SEMA3A: variants seen among roughly 807,000 people sequenced by gnomAD.
The protein encoded by SEMA3A is semaphorin-3A.
A neutral mutation model predicts 97.9 loss-of-function variants in SEMA3A; 29 were observed. The ratio of observed to expected loss-of-function variants is 0.30; its 90% confidence interval spans 0.22 to 0.40. The LOEUF is 0.40. Among genes scored for constraint, SEMA3A ranks in the 10% least tolerant of loss-of-function variants. The pLI is 1.00. For missense variants in SEMA3A, 763 were observed against 951.3 expected (o/e 0.80, Z 2.60); for synonymous variants, 321 against 323.7 (o/e 0.99, Z 0.09).
At chr7:84,115,905 G>A (rs1260449626) in intron 3 of SEMA3A, among the ~76,000 whole-genome samples, 1 of 152,154 alleles carries the variant, frequency 6.6e-6, no homozygotes, top group Non-Finnish European at 1.5e-5. Context: ...ATGAAGTAAG[G>A]AGAGTTACAA....
intron 5 of SEMA3A, among the ~76,000 whole-genome samples, chr7:84,055,903 T>G (rs1792954482): frequency 6.6e-6 from 1 of 152,182 alleles, no homozygotes; most frequent in Non-Finnish European, 1.5e-5. Context: ...CTAAGCCAAT[T>G]GTGAAAGAAA....
intron 2 of SEMA3A, among the ~76,000 whole-genome samples, chr7:84,365,794 T>C (rs1802834914): frequency 6.6e-6 from 1 of 151,424 alleles, no homozygotes; most frequent in Admixed American, 6.6e-5. Context: ...CAATCTGATA[T>C]TGAGAACTGC....
At chr7:84,377,294 G>T (rs1411176803) in intron 1 of SEMA3A, among the ~76,000 whole-genome samples, 2 of 152,026 alleles carry the variant, frequency 1.3e-5, no homozygotes, top group African/African-American at 4.8e-5. Context: ...CCCAATTAAT[G>T]CTCTTAGTGC....
intron 3 of SEMA3A, among the ~76,000 whole-genome samples, chr7:84,127,758 A>G (rs1448433843): frequency 1.3e-5 from 2 of 152,146 alleles, no homozygotes; most frequent in African/African-American, 2.4e-5. Context: ...AAACATATAC[A>G]TCATTGTAGG....
chr7:84,212,175 G>A (rs959006671), intron 3 of SEMA3A, among the ~76,000 whole-genome samples: 1 of 152,138 alleles, frequency 6.6e-6, no homozygotes, highest in East Asian at 1.9e-4. Context: ...AACTACAAGA[G>A]AAATAATTAA....
intron 2 of SEMA3A, among the ~76,000 whole-genome samples, chr7:84,134,201 G>A (rs557892352): frequency 5.3e-5 from 8 of 152,176 alleles, no homozygotes; most frequent in Admixed American, 5.2e-4. Context: ...TGATCTCCTA[G>A]ATCAGGGTTT....
At chr7:84,104,095 G>A (rs1795037288) in intron 4 of SEMA3A, among the ~76,000 whole-genome samples, 2 of 152,004 alleles carry the variant, frequency 1.3e-5, no homozygotes, top group Non-Finnish European at 2.9e-5. Context: ...AGGAAAACAT[G>A]TTTATGGTTA....
chr7:84,273,304 G>A (rs574134924), intron 3 of SEMA3A, among the ~76,000 whole-genome samples: 3 of 152,060 alleles, frequency 2.0e-5, no homozygotes, highest in East Asian at 1.9e-4. Flanking sequence ...CTCTAGCCCC[G>A]AATTTCCATA....
At chr7:83,997,463 A>G (rs1790267186) in intron 12 of SEMA3A, among the ~76,000 whole-genome samples, 1 of 152,200 alleles carries the variant, frequency 6.6e-6, no homozygotes, top group Admixed American at 6.5e-5. Context: ...AGACCACAAT[A>G]TATGTATGAA....
chr7:84,346,516 C>T (rs948480414), intron 2 of SEMA3A, among the ~76,000 whole-genome samples: 1 of 152,074 alleles, frequency 6.6e-6, no homozygotes, highest in Non-Finnish European at 1.5e-5. Flanking sequence ...CATCGTCAGG[C>T]TATTAATTGG....
intron 2 of SEMA3A, among the ~76,000 whole-genome samples, chr7:84,356,361 G>A (rs943652463): frequency 6.6e-6 from 1 of 151,348 alleles, no homozygotes; most frequent in African/African-American, 2.4e-5. Flanking sequence ...ATCCAATAAT[G>A]AAATCCAAAA....
intron 2 of SEMA3A, among the ~76,000 whole-genome samples, chr7:84,341,786 C>T (rs1478551413): frequency 2.6e-5 from 4 of 152,092 alleles, no homozygotes; most frequent in African/African-American, 7.2e-5. Context: ...GAAATCCGGT[C>T]GTGTTAGCTA....
At chr7:84,063,360 G>A (rs1264579066) in intron 4 of SEMA3A, among the ~76,000 whole-genome samples, 4 of 150,668 alleles carry the variant, frequency 2.7e-5, no homozygotes, top group South Asian at 2.1e-4. Context: ...AAAGCAGAGC[G>A]CCTCTCCTCC....
At chr7:84,389,470 T>C (rs945472215) in intron 1 of SEMA3A, among the ~76,000 whole-genome samples, 18 of 152,082 alleles carry the variant, frequency 1.2e-4, no homozygotes, top group Admixed American at 9.8e-4. Flanking sequence ...AAGTATGTAA[T>C]TGCGTAACTC....
chr7:84,194,860 GAA>G (rs778454027), upstream of SEMA3A: 227 of 177,948 alleles, frequency 1.3e-3, no homozygotes, highest in East Asian at 5.8e-3. Context: ...TGTGTGGAAA[GAA>G]AAAAAAAAAA....
intron 3 of SEMA3A, among the ~76,000 whole-genome samples, chr7:84,284,793 C>T (rs1025059492): frequency 3.3e-5 from 5 of 152,056 alleles, no homozygotes; most frequent in African/African-American, 4.8e-5. Flanking sequence ...GATTATGTTC[C>T]TTTTTTTGAT....
chr7:84,192,223 A>T (rs1798067235), intron 1 of SEMA3A, among the ~76,000 whole-genome samples: 1 of 151,960 alleles, frequency 6.6e-6, no homozygotes, highest in African/African-American at 2.4e-5. Context: ...AAGTAGCTTT[A>T]AAAAAATCTC....
chr7:84,214,495 G>A (rs751605096), intron 3 of SEMA3A, among the ~76,000 whole-genome samples: 5 of 152,030 alleles, frequency 3.3e-5, no homozygotes. Context: ...ACATGATGAG[G>A]AAACATATTA....
At chr7:84,278,903 G>A (rs576669524) in intron 3 of SEMA3A, among the ~76,000 whole-genome samples, 2 of 152,106 alleles carry the variant, frequency 1.3e-5, no homozygotes, top group East Asian at 3.9e-4. Context: ...CATATCACAT[G>A]TCAAAATGAC....
Sources: gnomAD v4.1 joint callset for allele counts (sites outside exome capture counted in the v4.1 genomes callset) on GRCh38, gnomAD v4.1.1 for gene constraint, MANE v1.5 for transcripts, NCBI Gene and HGNC (gene_info 2026-07-23, HGNC 2026-07-21) for gene names.